The following SRL variants were observed in gnomAD, a reference collection of about 807,000 sequenced individuals.
The protein encoded by SRL is sarcalumenin.
Under a neutral mutation model 39.5 loss-of-function variants are expected in SRL, and 23 were observed. The ratio of observed to expected loss-of-function variants is 0.58; its 90% CI spans 0.42 to 0.82. The LOEUF is 0.82. Ranked by LOEUF, SRL falls within the 40% of genes least tolerant of loss-of-function variation. SRL has a pLI of 0.00. For missense variants in SRL, 592 were observed against 607.8 expected, an observed-to-expected ratio of 0.97 and a Z score of 0.27; for synonymous variants, 272 against 237.4, an observed-to-expected ratio of 1.15 and a Z score of -1.34.
intron 2 of SRL, among the ~76,000 whole-genome samples, chr16:4,204,245 G>A (rs2052280363): frequency 6.6e-6 from 1 of 152,206 alleles, no homozygotes; most frequent in South Asian, 2.1e-4. Context: ...GCATGGGGCT[G>A]CACTGGCTTC....
chr16:4,230,141 C>G (rs371521552), intron 1 of SRL, among the ~76,000 whole-genome samples: 1 of 152,038 alleles, frequency 6.6e-6, no homozygotes, highest in Admixed American at 6.6e-5. Context: ...ACTACTAGGC[C>G]GGGCTACCTC....
At chr16:4,226,936 A>C (rs889843892) in intron 1 of SRL, among the ~76,000 whole-genome samples, 1 of 151,500 alleles carries the variant, frequency 6.6e-6, no homozygotes, top group African/African-American at 2.4e-5. Flanking sequence ...GGATGAATGG[A>C]TGGGTGGATG....
intron 4 of SRL, 122 bp from the exon 5 acceptor site, chr16:4,195,908 C>T (rs11865087): frequency 0.48 from 370,715 of 777,746 alleles, 90,083 homozygotes; most frequent in South Asian, 0.61. Context: ...ATATGTTTGC[C>T]AAGCTATTGG....
At chr16:4,238,391 A>C (rs2052735066) in intron 1 of SRL, among the ~76,000 whole-genome samples, 1 of 152,064 alleles carries the variant, frequency 6.6e-6, no homozygotes, top group Non-Finnish European at 1.5e-5. Context: ...GACTCTCCCC[A>C]GCCCACTACA....
chr16:4,190,078 G>A lies in SRL; in HGVS notation c.*2075C>T, dbSNP rs1205178833. 9 of 394,528 alleles carry A rather than the reference G, an allele frequency of 2.3e-5. No individual in the cohort carries two copies. The highest frequency in any genetic ancestry group is 6.2e-5 in the African/African-American group (3 of 48,496). 24.4% of individuals were successfully genotyped at this position (394,528 alleles called of 1,614,324 possible). On this transcript the variant is annotated 3_prime_UTR_variant, in exon 6 of 6. Coordinates refer to ENST00000399609, the MANE Select transcript of SRL (RefSeq NM_001098814.2). ...CAGAACTCACTGTTCTTTCCTGGTCGACTCGTTCCTTGGAAACATTGTCCT... is the reference window on the plus strand; with the variant it reads ...CAGAACTCACTGTTCTTTCCTGGTCAACTCGTTCCTTGGAAACATTGTCCT...
intron 1 of SRL, among the ~76,000 whole-genome samples, chr16:4,239,219 T>G (rs1274706234): frequency 6.6e-6 from 1 of 152,228 alleles, no homozygotes; most frequent in East Asian, 1.9e-4. Flanking sequence ...GGGAAACAGC[T>G]TCCTGACCGT....
chr16:4,202,808 G>A (rs2052254716), intron 3 of SRL, among the ~76,000 whole-genome samples: 1 of 152,182 alleles, frequency 6.6e-6, no homozygotes, highest in African/African-American at 2.4e-5. Flanking sequence ...CCCATGAGTA[G>A]ACAGGGGGCA....
intron 1 of SRL, among the ~76,000 whole-genome samples, chr16:4,219,337 G>A (rs1203606420): frequency 6.6e-6 from 1 of 152,222 alleles, no homozygotes; most frequent in Non-Finnish European, 1.5e-5. Flanking sequence ...CCCTGTCCCT[G>A]GGAGCTGGGG....
chr16:4,211,453 G>A (rs1235381160), intron 1 of SRL, among the ~76,000 whole-genome samples: 1 of 151,662 alleles, frequency 6.6e-6, no homozygotes, highest in Non-Finnish European at 1.5e-5. Context: ...TGAGGATCGT[G>A]ATGATGATGA....
At position 4,208,503 on chromosome 16, in the gene SRL, G is replaced by A. The variant is rs566809807; in HGVS notation, c.62-3869C>T. 5.9e-5 allele frequency among the ~76,000 whole-genome samples: 9 copies of A among 152,270 alleles called. No individual in the cohort carries two copies. The South Asian group carries it at 6.2e-4, about 11-fold the overall frequency. On this transcript the variant is annotated intron_variant, in intron 1 of 5. Transcript: ENST00000399609. ...CAGTCCCTCAACCTTGCTCACGGGC[G>A]TGTGCAGCTGGGCTCAACCTTGGAG...
intron 1 of SRL, among the ~76,000 whole-genome samples, chr16:4,205,280 C>A (rs1290637006): frequency 6.6e-6 from 1 of 152,154 alleles, no homozygotes; most frequent in Non-Finnish European, 1.5e-5. Flanking sequence ...CCCCACTGCA[C>A]TCCAGCCTAG....
At chr16:4,233,481 G>A (rs1347927421) in intron 1 of SRL, among the ~76,000 whole-genome samples, 2 of 152,156 alleles carry the variant, frequency 1.3e-5, no homozygotes, top group Non-Finnish European at 2.9e-5. Flanking sequence ...TGCACGTTGG[G>A]CTGAAACCCT....
chr16:4,223,520 G>C (rs1311645545), intron 1 of SRL, among the ~76,000 whole-genome samples: 1 of 151,784 alleles, frequency 6.6e-6, no homozygotes, highest in African/African-American at 2.4e-5. Flanking sequence ...GGGACTACAG[G>C]TGCATGCCAT....
chr16:4,203,103 C>A, intron 3 of SRL, 63 bp downstream of exon 3: 1 of 1,452,282 alleles, frequency 6.9e-7, no homozygotes, highest in South Asian at 1.1e-5. Context: ...AGCAGTGTGG[C>A]CCCGCCGACA....
At chr16:4,220,262 A>G (rs2052507446) in intron 1 of SRL, among the ~76,000 whole-genome samples, 1 of 139,146 alleles carries the variant, frequency 7.2e-6, no homozygotes, top group African/African-American at 2.9e-5. Context: ...ACATAGCGAA[A>G]ATCTGTCTCT....
At chr16:4,206,746 A>G (rs1208307182) in intron 1 of SRL, 1 of 408,058 alleles carries the variant, frequency 2.5e-6, no homozygotes, top group African/African-American at 3.8e-5. Flanking sequence ...CAATGATGGG[A>G]CTCTCCCTCC....
At chr16:4,209,013 C>T (rs542517000) in intron 1 of SRL, among the ~76,000 whole-genome samples, 1 of 152,322 alleles carries the variant, frequency 6.6e-6, no homozygotes, top group East Asian at 1.9e-4. Flanking sequence ...TGGCTCATGC[C>T]TGTAATCCCA....
chr16:4,237,219 G>A (rs1242386779), intron 1 of SRL, among the ~76,000 whole-genome samples: 3 of 152,182 alleles, frequency 2.0e-5, no homozygotes, highest in African/African-American at 7.2e-5. Flanking sequence ...TGGGATTACA[G>A]GTGTGAGCCA....
At chr16:4,204,408 G>GCCCCGGCCTCTAAGAT in intron 2 of SRL, 125 bp downstream of exon 2, 1 of 812,456 alleles carries the variant, frequency 1.2e-6, no homozygotes, top group South Asian at 1.6e-5. Context: ...CTCCAAGATA[G>GCCCCGGCCTCTAAGAT]ATACAGCCCC....
Sources: gnomAD v4.1 joint callset for allele counts (sites outside exome capture counted in the v4.1 genomes callset) on GRCh38, gnomAD v4.1.1 for gene constraint, MANE v1.5 for transcripts, NCBI Gene and HGNC (gene_info 2026-07-23, HGNC 2026-07-21) for gene names.